The following ZNF646 variants were observed in gnomAD, a reference collection of about 807,000 sequenced individuals.
The protein encoded by ZNF646 is zinc finger protein 646.
ZNF646 carries 49 observed loss-of-function variants against 115.4 expected under a neutral mutation model. That is an observed-to-expected ratio of 0.42 (90% CI 0.34 to 0.54). The LOEUF (loss-of-function observed/expected upper bound fraction) is 0.54. Among genes scored for constraint, ZNF646 ranks in the 20% least tolerant of loss-of-function variants. The pLI is 0.04. For synonymous variants in ZNF646, 933 were observed against 939.0 expected, an observed-to-expected ratio of 0.99 and a Z score of 0.12; for missense variants, 2,269 against 2,457.9, an observed-to-expected ratio of 0.92 and a Z score of 1.62.
rs188200157 is a variant in ZNF646, at chr16:31,080,075, A to C, written c.3751A>C (p.Ile1251Leu). Reference protein sequence around the residue: ...NLMSLKNHRRIHADPRRFRCS... With the variant: ...NLMSLKNHRRLHADPRRFRCS... ...CATGTCCCTCAAGAACCACCGGCGC[A>C]TCCATGCAGATCCCCGACGTTTCCG... Residue 1251 changes from isoleucine (I) to leucine (L), a missense_variant, in exon 2 of 3, where the codon ATC (isoleucine) becomes CTC (leucine). Transcript: ENST00000300850. 3 of 1,613,000 alleles carry C rather than the reference A, an allele frequency of 1.9e-6. No individual in the cohort carries two copies. Among genetic ancestry groups the C allele is most frequent in the East Asian group, 2.2e-5 (1 of 44,832 alleles).
chr16:31,075,169 C>G (rs922751332), intron 1 of ZNF646, among the ~76,000 whole-genome samples: 18 of 152,214 alleles, frequency 1.2e-4, no homozygotes, highest in African/African-American at 4.3e-4. Flanking sequence ...AGGGTAAGAT[C>G]AGGAGGCATG....
In ZNF646 at chr16:31,076,460, CG is replaced by C; in HGVS notation, c.138del (p.Tyr48ThrfsTer47). 1 of 1,614,062 alleles carries C rather than the reference CG, an allele frequency of 6.2e-7. No homozygotes were observed. Among genetic ancestry groups the C allele is most frequent in the Non-Finnish European group, 8.5e-7 (1 of 1,180,018 alleles). ...CAGTGAGGAGGCTGACAGCATCCCT[CG>C]GCCCTACCGTTGTCAGCAGTGTGGG... Reference protein sequence around the residue: ...QDSEEADSIPRPYRCQQCGRG... With the variant: ...QDSEEADSIPXPYRCQQCGRG... On this transcript the variant is annotated frameshift_variant, in exon 2 of 3. Coordinates refer to ENST00000300850, the MANE Select transcript of ZNF646 (RefSeq NM_014699.4). LOFTEE classifies it high-confidence loss of function.
rs1346901716 is a variant in ZNF646 at position 31,080,634 on chromosome 16, G to C, written c.4310G>C (p.Gly1437Ala). Residue 1437 changes from glycine to alanine, a missense_variant, in exon 2 of 3, where the codon GGG (glycine) becomes GCG (alanine). Gly to Ala is a moderately conservative substitution (Grantham distance 60, BLOSUM62 0). Coordinates refer to ENST00000300850, the MANE Select transcript of ZNF646 (RefSeq NM_014699.4). ...PHLEDGVPRP[G>A]ERSQSPIRAA... ...TTGGAGGATGGAGTCCCAAGGCCAG[G>C]GGAGCGCAGTCAGAGCCCCATCAGG... 3 of 1,614,176 alleles carry C rather than the reference G, an allele frequency of 1.9e-6. No homozygotes were observed. The highest frequency in any genetic ancestry group is 1.7e-6 in the Non-Finnish European group (2 of 1,180,024).
At chr16:31,081,967 TACA>T in intron 2 of ZNF646, 1 of 535,106 alleles carries the variant, frequency 1.9e-6, no homozygotes, top group Non-Finnish European at 3.3e-6. Context: ...GCTCCTCCAT[TACA>T]CTGTAGCCAG....
In ZNF646 at chr16:31,078,319, G is replaced by A. The variant is rs2057105748; in HGVS notation, c.1995G>A (p.Arg665=). The A allele has an allele frequency of 6.2e-7, 1 of 1,613,602 alleles. No individual in the cohort carries two copies. The highest frequency in any genetic ancestry group is 8.5e-7 in the Non-Finnish European group (1 of 1,179,898). Residue 665 remains arginine (R), a synonymous_variant, in exon 2 of 3, where the codon CGG becomes CGA. Transcript: ENST00000300850. The part of the protein sequence containing the change: ...TMAAMKNHLR[R]HSRRRSRRHR... ...CTGCCATGAAGAACCACTTGCGCCG[G>A]CACAGTCGGCGGCGGAGCAGGCGGC...
chr16:31,076,165 C>T (rs1159279822), intron 1 of ZNF646, 81 bp from the exon 2 acceptor site: 1 of 947,702 alleles, frequency 1.1e-6, no homozygotes, highest in Non-Finnish European at 1.5e-6. Flanking sequence ...TCTCAGTGAC[C>T]TCAGGTGAAC....
At position 31,081,251 on chromosome 16, in the gene ZNF646, G is replaced by A; in HGVS notation, c.4927G>A (p.Glu1643Lys). The change falls in exon 2 of 3, where the codon GAG (glutamate) becomes AAG (lysine). Residue 1643 changes from glutamate (E) to lysine (K), a missense_variant. By Grantham distance (56) the Glu-to-Lys change is moderately conservative. Coordinates refer to ENST00000300850, the MANE Select transcript of ZNF646 (RefSeq NM_014699.4). ...TCTCCCTGGTCAAGGGAAAGCCCAGGAGGCCCCATCAGAAACCCCCAGAGG... is the reference window on the plus strand; with the variant it reads ...TCTCCCTGGTCAAGGGAAAGCCCAGAAGGCCCCATCAGAAACCCCCAGAGG... ...VVLPGQGKAQ[E>K]APSETPRGPG... 6.2e-7 allele frequency: 1 copy of A among 1,601,618 alleles called. No homozygotes were observed. Among genetic ancestry groups the A allele is most frequent in the South Asian group, 1.1e-5 (1 of 89,916 alleles).
At position 31,081,371 on chromosome 16, in the gene ZNF646, G is replaced by A. The variant is rs1005932280; in HGVS notation, c.5047G>A (p.Gly1683Arg). The A allele has an allele frequency of 9.9e-6, 16 of 1,612,872 alleles. No homozygotes were observed. Among genetic ancestry groups the A allele is most frequent in the Middle Eastern group, 1.6e-4 (1 of 6,076 alleles). ...GCGGCCCTTCCGCTGCACCCAGTGCGGGCGCTCCTACCGCCATGCTGGCAG... is the reference window on the plus strand; with the variant it reads ...GCGGCCCTTCCGCTGCACCCAGTGCAGGCGCTCCTACCGCCATGCTGGCAG... ...KERPFRCTQC[G>R]RSYRHAGSLL... The change falls in exon 2 of 3, where the codon GGG becomes AGG. Residue 1683 changes from glycine to arginine, a missense_variant. This residue lies in a region of ZNF646 where 1,062 missense variants were observed against 1,172.8 expected (regional missense o/e 0.91). Coordinates refer to ENST00000300850, the MANE Select transcript of ZNF646 (RefSeq NM_014699.4).
At position 31,076,758 on chromosome 16, in the gene ZNF646, A is replaced by G. The variant is rs765212681; in HGVS notation, c.434A>G (p.Glu145Gly). Residue 145 changes from glutamate (E) to glycine (G), a missense_variant, in exon 2 of 3, where the codon GAA becomes GGA. Around this residue, in one of 5 missense-constraint regions of ZNF646, gnomAD observed 334 missense variants for 323.5 expected, o/e 1.03. Coordinates refer to ENST00000300850, the MANE Select transcript of ZNF646 (RefSeq NM_014699.4). ...TGGGAAAACCAGACAAAACATACAG[A>G]AGAGACACCTGACTGTGAATCTGTA... ...EGWENQTKHT[E>G]ETPDCESVPD... 1.9e-6 allele frequency: 3 copies of G among 1,613,706 alleles called. No individual in the cohort carries two copies. Among genetic ancestry groups the G allele is most frequent in the Admixed American group, 3.3e-5 (2 of 60,010 alleles).
In ZNF646 at chr16:31,078,167, A is replaced by G. The variant is rs1264886858; in HGVS notation, c.1843A>G (p.Arg615Gly). 13 of 1,614,040 alleles carry G rather than the reference A, an allele frequency of 8.1e-6. No individual in the cohort carries two copies. Among genetic ancestry groups the G allele is most frequent in the Non-Finnish European group, 1.1e-5 (13 of 1,180,022 alleles). Residue 615 changes from arginine (R) to glycine (G), a missense_variant, in exon 2 of 3, where the codon AGG becomes GGG. By Grantham distance (125) the Arg-to-Gly change is moderately radical. Coordinates refer to ENST00000300850, the MANE Select transcript of ZNF646 (RefSeq NM_014699.4). ...SRTETTMSPPRAFACRDCGKS... is the reference protein window; with the variant it reads ...SRTETTMSPPGAFACRDCGKS... ...AACAGAGACCACAATGTCACCTCCT[A>G]GGGCCTTTGCCTGCCGAGACTGTGG... is the stretch of plus-strand genomic sequence containing the variant.
Position 31,077,940 on chromosome 16 carries a change from C to T in ZNF646, c.1616C>T (p.Pro539Leu). The part of the protein sequence containing the change: ...APSHLKVELP[P>L]DPVEAEAAPH... ...AGCCACCTCAAGGTAGAACTCCCGC[C>T]TGACCCAGTGGAGGCAGAGGCAGCC... The change falls in exon 2 of 3, where the codon CCT becomes CTT. Residue 539 changes from proline (P) to leucine (L), a missense_variant. Physicochemically the swap from Pro to Leu is moderately conservative, Grantham distance 98. Transcript: ENST00000300850. The T allele has an allele frequency of 6.2e-7, 1 of 1,613,958 alleles. No homozygotes were observed.
intron 1 of ZNF646, among the ~76,000 whole-genome samples, chr16:31,075,115 G>C (rs2057060084): frequency 6.6e-6 from 1 of 152,106 alleles, no homozygotes; most frequent in Non-Finnish European, 1.5e-5. Context: ...GTCATCATCA[G>C]TATTAAGAGA....
Position 31,083,385 on chromosome 16 carries a change from G to T in ZNF646, c.*293G>T. The T allele has an allele frequency of 8.7e-7, 1 of 1,153,076 alleles. No homozygotes were observed. Among genetic ancestry groups the T allele is most frequent in the Non-Finnish European group, 1.1e-6 (1 of 872,222 alleles). 71.4% of individuals were successfully genotyped at this position (1,153,076 alleles called of 1,614,324 possible). ...GATGCAGAGCCCCACCGGTGGGAAA[G>T]TTGCCTGTGGAAGGGAGCCTTTTGC... On this transcript the variant is annotated 3_prime_UTR_variant, in exon 3 of 3. Coordinates refer to ENST00000300850, the MANE Select transcript of ZNF646 (RefSeq NM_014699.4).
chr16:31,083,970 G>A lies in ZNF646; in HGVS notation c.*878G>A. The A allele has an allele frequency of 1.3e-6, 2 of 1,501,846 alleles. No individual in the cohort carries two copies. Among genetic ancestry groups the A allele is most frequent in the Non-Finnish European group, 1.8e-6 (2 of 1,120,644 alleles). The allele number at this position is 1,501,846 out of a possible 1,614,324, so 93.0% of individuals were successfully genotyped here. ...AGCAGCCTGCTCCAAGTCACACGAT[G>A]ACAAAGAACCAGAATCTGAATCAAA... On this transcript the variant is annotated 3_prime_UTR_variant, in exon 3 of 3. Coordinates refer to ENST00000300850, the MANE Select transcript of ZNF646 (RefSeq NM_014699.4).
At position 31,080,536 on chromosome 16, in the gene ZNF646, G is replaced by A. The variant is rs535264074; in HGVS notation, c.4212G>A (p.Ala1404=). The change falls in exon 2 of 3, where the codon GCG becomes GCA. Residue 1404 remains alanine (A), a synonymous_variant. Coordinates refer to ENST00000300850, the MANE Select transcript of ZNF646 (RefSeq NM_014699.4). Reference sequence around the variant, plus strand: ...GCCAGGGAGGCCTGGATGGCACAGCGGCCAGTGAGGCGAACCTGACTGGCA... The same window carrying A: ...GCCAGGGAGGCCTGGATGGCACAGCAGCCAGTGAGGCGAACCTGACTGGCA... The part of the protein sequence containing the change: ...ANGQGGLDGT[A]ASEANLTGSQ... 3.7e-6 allele frequency: 6 copies of A among 1,614,022 alleles called. No homozygotes were observed. Among genetic ancestry groups the A allele is most frequent in the South Asian group, 3.3e-5 (3 of 91,078 alleles).
rs1392807619 is a variant in ZNF646 at position 31,083,522 on chromosome 16, C to T, written c.*430C>T. On this transcript the variant is annotated 3_prime_UTR_variant, in exon 3 of 3. Coordinates refer to ENST00000300850, the MANE Select transcript of ZNF646 (RefSeq NM_014699.4). The stretch of plus-strand genomic sequence containing the variant: ...GAAATTTTCAAAACAACGTGGCTGG[C>T]GTGATTGTATCTGAAAGGGTAAAGG... 8.8e-6 allele frequency: 12 copies of T among 1,370,720 alleles called. No homozygotes were observed. The highest frequency in any genetic ancestry group is 2.9e-5 in the East Asian group (1 of 34,398). The allele number at this position is 1,370,720 out of a possible 1,614,324, so 84.9% of individuals were successfully genotyped here.
upstream of ZNF646, chr16:31,073,730 A>C (rs771238945): frequency 2.0e-5 from 3 of 152,190 alleles, no homozygotes; most frequent in Non-Finnish European, 2.9e-5. Context: ...GACCCTGCCA[A>C]ACAGGGGCCG....
chr16:31,076,299 C>A lies in ZNF646; in HGVS notation c.-26C>A, dbSNP rs760719183. 1.3e-5 allele frequency: 20 copies of A among 1,583,044 alleles called. No individual in the cohort carries two copies. The South Asian group carries it at 2.3e-4, about 18-fold the overall frequency. ...CTGCCACGTGTCTGCTCCTTCTGAA[C>A]CTCCAGGTTTCTGCTACGTTGCCCC... On this transcript the variant is annotated 5_prime_UTR_variant, in exon 2 of 3. Coordinates refer to ENST00000300850, the MANE Select transcript of ZNF646 (RefSeq NM_014699.4).
chr16:31,077,581 T>C lies in ZNF646; in HGVS notation c.1257T>C (p.His419=), dbSNP rs767553312. 8 of 1,613,542 alleles carry C rather than the reference T, an allele frequency of 5.0e-6. 1 individual carries two copies. In the Middle Eastern group the frequency reaches 5.0e-4, roughly 100 times the overall value. Residue 419 remains histidine, a synonymous_variant, in exon 2 of 3, where the codon CAT becomes CAC. Coordinates refer to ENST00000300850, the MANE Select transcript of ZNF646 (RefSeq NM_014699.4). ...TCAATGCGGCTGCCCTCAAAAACCA[T>C]GTGCGGGCTCATCACAGGCCCAGGC... ...QLFNAAALKN[H]VRAHHRPRQG...
Sources: gnomAD v4.1 joint callset for allele counts (sites outside exome capture counted in the v4.1 genomes callset) on GRCh38, gnomAD v4.1.1 for gene constraint, gnomAD v4.1.1 regional missense constraint, MANE v1.5 for transcripts, NCBI Gene and HGNC (gene_info 2026-07-23, HGNC 2026-07-21) for gene names.